Variants in GPATCH2 observed in about 807,000 individuals in gnomAD.
The protein encoded by GPATCH2 is G-patch domain containing 2, also known as G patch domain-containing protein 2.
In GPATCH2, 51 loss-of-function variants were observed where a neutral mutation model predicts 58.0. That is an observed-to-expected ratio of 0.88 (90% CI 0.70 to 1.11). The LOEUF is 1.11. Ranked by LOEUF, GPATCH2 falls within the 50% of genes most tolerant of loss-of-function variation. The pLI, the probability that GPATCH2 is intolerant of heterozygous loss-of-function variation, is 0.00. For synonymous variants in GPATCH2, 222 were observed against 218.5 expected (o/e 1.02, Z -0.14); for missense variants, 625 against 652.2 (o/e 0.96, Z 0.45).
intron 5 of GPATCH2, among the ~76,000 whole-genome samples, chr1:217,571,712 A>C (rs538040963): frequency 2.7e-5 from 4 of 148,570 alleles, no homozygotes; most frequent in African/African-American, 7.3e-5. Flanking sequence ...CCAAAAAAAA[A>C]AAAAAAAACA....
At chr1:217,448,125 T>C (rs1449237051) in intron 9 of GPATCH2, among the ~76,000 whole-genome samples, 1 of 150,808 alleles carries the variant, frequency 6.6e-6, no homozygotes, top group African/African-American at 2.4e-5. Context: ...AAATAGAGAA[T>C]GTAAGTTTCA....
At chr1:217,448,422 TA>T (rs199628153) in intron 9 of GPATCH2, among the ~76,000 whole-genome samples, 2,302 of 152,316 alleles carry the variant, frequency 0.015, 16 homozygotes, top group Middle Eastern at 0.058. Context: ...ACAAATCCAT[TA>T]TGGCTAACGG....
chr1:217,577,289 A>C (rs930390239), intron 5 of GPATCH2, among the ~76,000 whole-genome samples: 2 of 152,214 alleles, frequency 1.3e-5, no homozygotes, highest in African/African-American at 2.4e-5. Flanking sequence ...CTGATTATAA[A>C]ACCAAAACAC....
At chr1:217,524,753 C>G (rs548946299) in intron 5 of GPATCH2, among the ~76,000 whole-genome samples, 12 of 148,566 alleles carry the variant, frequency 8.1e-5, no homozygotes, top group South Asian at 4.4e-4. Flanking sequence ...TGCAGGCACT[C>G]GGCAGGCTTA....
At chr1:217,486,107 A>T (rs952339982) in intron 8 of GPATCH2, among the ~76,000 whole-genome samples, 2 of 152,234 alleles carry the variant, frequency 1.3e-5, no homozygotes, top group African/African-American at 4.8e-5. Context: ...TTTAATCCAT[A>T]GACAATTTGA....
chr1:217,491,790 A>T (rs142601962), intron 7 of GPATCH2, 40 bp from the exon 8 acceptor site: 3 of 737,268 alleles, frequency 4.1e-6, no homozygotes, highest in African/African-American at 3.6e-5. Flanking sequence ...AAACAAAAAT[A>T]TTTTCATTAT....
At chr1:217,614,277 G>A in intron 2 of GPATCH2, 75 bp from the exon 3 acceptor site, 1 of 830,644 alleles carries the variant, frequency 1.2e-6, no homozygotes, top group Non-Finnish European at 2.1e-6. Context: ...AAAGAGACAT[G>A]GCAGCTCAGA....
chr1:217,538,059 T>C (rs1291355932), intron 5 of GPATCH2, among the ~76,000 whole-genome samples: 1 of 152,200 alleles, frequency 6.6e-6, no homozygotes, highest in Non-Finnish European at 1.5e-5. Context: ...AAAAAACAAA[T>C]TGATTCTAAC....
At chr1:217,626,826 C>T (rs1033874051) in intron 1 of GPATCH2, among the ~76,000 whole-genome samples, 1 of 152,060 alleles carries the variant, frequency 6.6e-6, no homozygotes, top group Non-Finnish European at 1.5e-5. Flanking sequence ...AAATCCTTGA[C>T]TCACCTATTT....
chr1:217,536,803 C>T (rs1571880059), intron 5 of GPATCH2, among the ~76,000 whole-genome samples: 1 of 152,038 alleles, frequency 6.6e-6, no homozygotes, highest in South Asian at 2.1e-4. Flanking sequence ...GGTGAAAACC[C>T]GTCTCTACTG....
chr1:217,433,386 T>TATATATA (rs1558388568), intron 9 of GPATCH2, among the ~76,000 whole-genome samples: 380 of 28,652 alleles, frequency 0.013, 1 homozygote, highest in South Asian at 0.025. Flanking sequence ...ATATATATAT[T>TATATATA]TATTTATTTA....
chr1:217,515,614 C>T (rs149747480), intron 5 of GPATCH2, among the ~76,000 whole-genome samples: 25,698 of 151,710 alleles, frequency 0.17, 2,947 homozygotes, highest in East Asian at 0.48. Context: ...AGGCTGAGGC[C>T]GCAGAATCGC....
chr1:217,483,373 T>C (rs1661305965), intron 8 of GPATCH2, among the ~76,000 whole-genome samples: 1 of 152,118 alleles, frequency 6.6e-6, no homozygotes, highest in Non-Finnish European at 1.5e-5. Flanking sequence ...TTTGTAGAGA[T>C]GGCATCTCAC....
At chr1:217,614,255 T>C in intron 2 of GPATCH2, 53 bp from the exon 3 acceptor site, 1 of 1,045,820 alleles carries the variant, frequency 9.6e-7, no homozygotes, top group Non-Finnish European at 1.5e-6. Flanking sequence ...GATCTCTCAG[T>C]CGTAAAATTT....
intron 1 of GPATCH2, among the ~76,000 whole-genome samples, chr1:217,626,523 C>G (rs1021143569): frequency 6.6e-6 from 1 of 152,098 alleles, no homozygotes; most frequent in African/African-American, 2.4e-5. Flanking sequence ...AAATGGTGAG[C>G]CTTCAAGATG....
At chr1:217,626,787 C>T (rs541252333) in intron 1 of GPATCH2, among the ~76,000 whole-genome samples, 145 of 151,652 alleles carry the variant, frequency 9.6e-4, no homozygotes, top group African/African-American at 3.4e-3. Flanking sequence ...AACCCTAACA[C>T]TAAATGTCGA....
chr1:217,498,223 C>T (rs116648431), intron 7 of GPATCH2, 133 bp downstream of exon 7: 187 of 793,096 alleles, frequency 2.4e-4, no homozygotes, highest in Non-Finnish European at 3.6e-4. Context: ...TAATCGTTGA[C>T]ATAATTAACA....
chr1:217,509,978 A>G (rs1281989462), intron 6 of GPATCH2, among the ~76,000 whole-genome samples: 1 of 152,238 alleles, frequency 6.6e-6, no homozygotes. Flanking sequence ...AGGTTATAGC[A>G]GATACTATTA....
intron 5 of GPATCH2, among the ~76,000 whole-genome samples, chr1:217,584,364 T>TATATATATATATATATATACAC: frequency 8.2e-6 from 1 of 121,550 alleles, no homozygotes; most frequent in South Asian, 2.7e-4. Flanking sequence ...TATATATATA[T>TATATATATATATATATATACAC]ACACACACAC....
Sources: gnomAD v4.1 joint callset for allele counts (sites outside exome capture counted in the v4.1 genomes callset) on GRCh38, gnomAD v4.1.1 for gene constraint, MANE v1.5 for transcripts, NCBI Gene and HGNC (gene_info 2026-07-23, HGNC 2026-07-21) for gene names.